MAPKBP1: variants seen among roughly 807,000 people sequenced by gnomAD.
The protein encoded by MAPKBP1 is mitogen-activated protein kinase binding protein 1.
In MAPKBP1, 71 loss-of-function variants were observed where a neutral mutation model predicts 170.5. The observed-to-expected ratio is 0.42, with a 90% CI of 0.34 to 0.51. The LOEUF is 0.51. Ranked by LOEUF, MAPKBP1 falls within the 20% of genes least tolerant of loss-of-function variation. MAPKBP1 has a pLI of 0.06. For missense variants in MAPKBP1, 1,598 were observed against 1,933.0 expected, an observed-to-expected ratio of 0.83 and a Z score of 3.25; for synonymous variants, 719 against 757.9, an observed-to-expected ratio of 0.95 and a Z score of 0.84.
At chr15:41,813,236 T>G (rs2064834087) in intron 8 of MAPKBP1, 135 bp downstream of exon 8, 9 of 1,508,296 alleles carry the variant, frequency 6.0e-6, no homozygotes, top group Non-Finnish European at 8.2e-6. Context: ...TTGGGGGAGC[T>G]AGAGCTTGGC....
intron 3 of MAPKBP1, among the ~76,000 whole-genome samples, chr15:41,805,427 G>C (rs1319093334): frequency 6.6e-6 from 1 of 152,234 alleles, no homozygotes; most frequent in Non-Finnish European, 1.5e-5. Flanking sequence ...CTGTGCCCCT[G>C]TGCCCAGTCC....
chr15:41,826,372 T>G lies in MAPKBP1; in HGVS notation c.*936T>G, dbSNP rs1020951480. On this transcript the variant is annotated 3_prime_UTR_variant, in exon 31 of 31. Coordinates refer to ENST00000457542, the MANE Select transcript of MAPKBP1 (RefSeq NM_014994.3). ...CTGAGGACCTCAGCCACAGATGAGA[T>G]CACACGCATGCACGTGCACACATGT... 1 of 152,244 alleles carries G rather than the reference T, an allele frequency of 6.6e-6. No homozygotes were observed. The highest frequency in any genetic ancestry group is 2.4e-5 in the African/African-American group (1 of 41,334). 9.4% of individuals were successfully genotyped at this position (152,244 alleles called of 1,614,324 possible). A position where few individuals can be genotyped will look rare whatever the true frequency, so the allele number is the denominator to read the frequency against.
At position 41,825,285 on chromosome 15, in the gene MAPKBP1, G is replaced by A. The variant is rs755529786; in HGVS notation, c.4376G>A (p.Arg1459Gln). The change falls in exon 31 of 31, where the codon CGA becomes CAA. Residue 1459 changes from arginine (R) to glutamine (Q), a missense_variant. Arg to Gln is a conservative substitution (Grantham distance 43). Coordinates refer to ENST00000457542, the MANE Select transcript of MAPKBP1 (RefSeq NM_014994.3). ...CTCAGAGACACCTTCTCTTCAGTGCGACAGGAGCTGGAAGCTGTGGCTGGG... is the reference window on the plus strand; with the variant it reads ...CTCAGAGACACCTTCTCTTCAGTGCAACAGGAGCTGGAAGCTGTGGCTGGG... ...QLLRDTFSSV[R>Q]QELEAVAGAV... 6.8e-6 allele frequency: 11 copies of A among 1,612,462 alleles called. No homozygotes were observed. Among genetic ancestry groups the A allele is most frequent in the South Asian group, 1.1e-5 (1 of 91,040 alleles).
At chr15:41,810,122 A>C (rs2064776964) in intron 3 of MAPKBP1, among the ~76,000 whole-genome samples, 1 of 152,130 alleles carries the variant, frequency 6.6e-6, no homozygotes, top group Non-Finnish European at 1.5e-5. Context: ...GAGGCCTTAC[A>C]TCTTAAGGCA....
Position 41,827,805 on chromosome 15 carries a change from GC to G in MAPKBP1, c.*2372del. 3.4e-6 allele frequency: 1 copy of G among 291,692 alleles called. No individual in the cohort carries two copies. Among genetic ancestry groups the G allele is most frequent in the East Asian group, 5.7e-5 (1 of 17,662 alleles). The allele number at this position is 291,692 out of a possible 1,614,324, so 18.1% of individuals were successfully genotyped here. On this transcript the variant is annotated 3_prime_UTR_variant, in exon 31 of 31. Coordinates refer to ENST00000457542, the MANE Select transcript of MAPKBP1 (RefSeq NM_014994.3). ...GGGGCGGGGGCGCTGTTTTTAACGT[GC>G]CCGTTTGTACTGATGTATGAACTTG...
chr15:41,818,699 T>C lies in MAPKBP1; in HGVS notation c.2156+117T>C. On this transcript the variant is annotated intron_variant, in intron 19 of 30. Coordinates refer to ENST00000457542, the MANE Select transcript of MAPKBP1 (RefSeq NM_014994.3). The surrounding 1 kb of genome is among the most constrained non-coding windows in gnomAD (Gnocchi z 5.2). The stretch of plus-strand genomic sequence containing the variant: ...AAGTGGGGTTAACAGGGATAGCTTT[T>C]GGCTGTGCTTGACCTGAAGTGGAGG... 1 of 1,511,808 alleles carries C rather than the reference T, an allele frequency of 6.6e-7. No homozygotes were observed. The highest frequency in any genetic ancestry group is 9.0e-7 in the Non-Finnish European group (1 of 1,108,830). The allele number at this position is 1,511,808 out of a possible 1,614,324, so 93.6% of individuals were successfully genotyped here.
At chr15:41,804,228 G>A (rs995310331) in intron 3 of MAPKBP1, among the ~76,000 whole-genome samples, 3 of 152,228 alleles carry the variant, frequency 2.0e-5, no homozygotes, top group Non-Finnish European at 4.4e-5. Flanking sequence ...GGGCAGCTCA[G>A]TCTGTGCAAG....
At position 41,818,075 on chromosome 15, in the gene MAPKBP1, A is replaced by G; in HGVS notation, c.1971A>G (p.Thr657=). The part of the protein sequence containing the change: ...LFKGSQGEDG[T]LIKVQTDPSG... The stretch of plus-strand genomic sequence containing the variant: ...AAGGGTCACAGGGTGAGGACGGCAC[A>G]CTCATTAAGGTAAGGACCCAGAGGG... Residue 657 remains threonine (T), a synonymous_variant, in exon 17 of 31, where the codon ACA becomes ACG. Coordinates refer to ENST00000457542, the MANE Select transcript of MAPKBP1 (RefSeq NM_014994.3). This position sits in a 1 kb window ranked among gnomAD's most constrained non-coding sequence, Gnocchi z 5.2. The G allele has an allele frequency of 6.2e-7, 1 of 1,614,092 alleles. No individual in the cohort carries two copies. The highest frequency in any genetic ancestry group is 8.5e-7 in the Non-Finnish European group (1 of 1,179,988).
intron 2 of MAPKBP1, among the ~76,000 whole-genome samples, chr15:41,788,258 G>T (rs2064335187): frequency 6.6e-6 from 1 of 152,122 alleles, no homozygotes; most frequent in African/African-American, 2.4e-5. Context: ...ACCCGGCCAT[G>T]ATTTTAAGTT....
chr15:41,818,421 C>T lies in MAPKBP1; in HGVS notation c.2093-98C>T. Reference sequence around the variant, plus strand: ...CTTGGGACCCGCAGAGCTACCTATCCCTACCCTGCAGCCAACCCCCGTGTC... The same window carrying T: ...CTTGGGACCCGCAGAGCTACCTATCTCTACCCTGCAGCCAACCCCCGTGTC... On this transcript the variant is annotated intron_variant, in intron 18 of 30. Coordinates refer to ENST00000457542, the MANE Select transcript of MAPKBP1 (RefSeq NM_014994.3). The surrounding 1 kb of genome is among the most constrained non-coding windows in gnomAD (Gnocchi z 5.2). 4 of 1,427,336 alleles carry T rather than the reference C, an allele frequency of 2.8e-6. No individual in the cohort carries two copies. Among genetic ancestry groups the T allele is most frequent in the Non-Finnish European group, 3.9e-6 (4 of 1,020,956 alleles). The allele number at this position is 1,427,336 out of a possible 1,614,324, so 88.4% of individuals were successfully genotyped here.
intron 22 of MAPKBP1, among the ~76,000 whole-genome samples, 185 bp downstream of exon 22, chr15:41,819,835 G>A (rs1043920242): frequency 3.3e-5 from 5 of 152,146 alleles, no homozygotes; most frequent in African/African-American, 9.7e-5. Flanking sequence ...GTGCGGGGGT[G>A]AAGAAAGCCC....
intron 30 of MAPKBP1, 132 bp downstream of exon 30, chr15:41,824,701 A>G: frequency 1.1e-6 from 1 of 919,352 alleles, no homozygotes; most frequent in Non-Finnish European, 1.6e-6. Flanking sequence ...CATCTTGGGC[A>G]GCATAGGTGA....
chr15:41,813,371 C>G, intron 8 of MAPKBP1: 1 of 1,524,302 alleles, frequency 6.6e-7, no homozygotes, highest in Middle Eastern at 1.7e-4. Flanking sequence ...GCACCTTCCT[C>G]TCTTTCTCAT....
Position 41,775,281 on chromosome 15 carries a change from T to C in MAPKBP1, c.6T>C (p.Ala2=), listed in dbSNP as rs200766282. M[A]VEGSTITSRI... ...CCAAAGGGTTTCTCGTCATAATGGC[T>C]GTGGAAGGGTCAACCATTACCAGCC... Residue 2 remains alanine (A), a synonymous_variant, in exon 2 of 31, where the codon GCT becomes GCC. Coordinates refer to ENST00000457542, the MANE Select transcript of MAPKBP1 (RefSeq NM_014994.3). 5.0e-5 allele frequency: 81 copies of C among 1,613,526 alleles called. No homozygotes were observed. The highest frequency in any genetic ancestry group is 8.3e-5 in the Admixed American group (5 of 59,994).
chr15:41,796,920 G>A (rs1030918743), intron 2 of MAPKBP1, among the ~76,000 whole-genome samples: 1 of 152,082 alleles, frequency 6.6e-6, no homozygotes, highest in Non-Finnish European at 1.5e-5. Flanking sequence ...TAATGAAATG[G>A]AATATAATAG....
At chr15:41,786,799 T>G (rs1481775988) in intron 2 of MAPKBP1, among the ~76,000 whole-genome samples, 1 of 126,694 alleles carries the variant, frequency 7.9e-6, no homozygotes, top group Non-Finnish European at 1.6e-5. Flanking sequence ...TATATATATA[T>G]ATATAGGTAT....
intron 2 of MAPKBP1, among the ~76,000 whole-genome samples, chr15:41,781,756 T>C (rs953008262): frequency 1.2e-4 from 18 of 152,184 alleles, no homozygotes; most frequent in African/African-American, 3.4e-4. Flanking sequence ...TTTTCCACTT[T>C]GTCAAATGTT....
intron 3 of MAPKBP1, among the ~76,000 whole-genome samples, chr15:41,806,085 G>A (rs1205419837): frequency 6.6e-6 from 1 of 152,134 alleles, no homozygotes; most frequent in Non-Finnish European, 1.5e-5. Context: ...ATTACTGAGG[G>A]CCTATCGTCT....
rs374874546 is a variant in MAPKBP1, at chr15:41,818,183, C to T, written c.1981-11C>T. 1 of 1,610,732 alleles carries T rather than the reference C, an allele frequency of 6.2e-7. No homozygotes were observed. Among genetic ancestry groups the T allele is most frequent in the African/African-American group, 1.3e-5 (1 of 74,792 alleles). Reference sequence around the variant, plus strand: ...CCATGTCCTCCAGCTGCACACCCTGCTACTCCTCAGGTGCAGACAGACCCC... The same window carrying T: ...CCATGTCCTCCAGCTGCACACCCTGTTACTCCTCAGGTGCAGACAGACCCC... On this transcript the variant is annotated splice_polypyrimidine_tract_variant and intron_variant, in intron 17 of 30. Transcript: ENST00000457542. The surrounding 1 kb of genome is among the most constrained non-coding windows in gnomAD (Gnocchi z 5.2).
Sources: gnomAD v4.1 joint callset for allele counts (sites outside exome capture counted in the v4.1 genomes callset) on GRCh38, gnomAD v4.1.1 for gene constraint, Gnocchi (gnomAD v3.1) non-coding constraint, MANE v1.5 for transcripts, NCBI Gene and HGNC (gene_info 2026-07-23, HGNC 2026-07-21) for gene names.